Variants in MRGPRX2 observed in about 807,000 individuals in gnomAD.
MRGPRX2 encodes the protein MAS related GPR family member X2.
For missense variants in MRGPRX2, 389 were observed against 404.5 expected (o/e 0.96, Z 0.33); for synonymous variants, 183 against 175.6 (o/e 1.04, Z -0.33).
At chr11:19,057,748 C>A (rs1849632480) in intron 1 of MRGPRX2, among the ~76,000 whole-genome samples, 1 of 152,194 alleles carries the variant, frequency 6.6e-6, no homozygotes, top group African/African-American at 2.4e-5. Context: ...TGGCTGAATG[C>A]TCTTCAGGTA....
At position 19,055,366 on chromosome 11, in the gene MRGPRX2, T is replaced by C; in HGVS notation, c.*44A>G. 1.3e-6 allele frequency: 2 copies of C among 1,543,876 alleles called. No individual in the cohort carries two copies. ...TCAGACAGACAGGGGCAAAGTTGCC[T>C]CTCAAAGCCACATATATCTGATGGA... On this transcript the variant is annotated 3_prime_UTR_variant, in exon 2 of 2. Transcript: ENST00000329773.
In MRGPRX2 at chr11:19,055,535, G is replaced by A. The variant is rs111606529; in HGVS notation, c.868C>T (p.Arg290Trp). 94 of 1,614,142 alleles carry A rather than the reference G, an allele frequency of 5.8e-5. No individual in the cohort carries two copies. The African/African-American group carries it at 8.8e-4, about 15-fold the overall frequency. ...AGCTTGAGGATCGGCTGCTGCAGCCGCCACTGCTTCCTAAAAGAGCCCACG... is the reference window on the plus strand; with the variant it reads ...AGCTTGAGGATCGGCTGCTGCAGCCACCACTGCTTCCTAAAAGAGCCCACG... ...FFVGSFRKQW[R>W]LQQPILKLAL... Residue 290 changes from arginine to tryptophan, a missense_variant, in exon 2 of 2, where the codon CGG becomes TGG. Transcript: ENST00000329773.
chr11:19,056,286 G>A lies in MRGPRX2; in HGVS notation c.117C>T (p.Phe39=). Residue 39 remains phenylalanine (F), a synonymous_variant, in exon 2 of 2, where the codon TTC becomes TTT. Transcript: ENST00000329773. ...ETLIPVFLIL[F]IALVGLVGNG... is the part of the protein sequence containing the mutation. ...TTCCTACCAGCCCGACCAGGGCAAT[G>A]AAAAGGATCAGGAAGACCGGGATCA... 6.2e-7 allele frequency: 1 copy of A among 1,614,232 alleles called. No homozygotes were observed. Among genetic ancestry groups the A allele is most frequent in the Non-Finnish European group, 8.5e-7 (1 of 1,180,042 alleles).
At position 19,055,547 on chromosome 11, in the gene MRGPRX2, TA is replaced by T; in HGVS notation, c.855del (p.Phe285LeufsTer91). 1.9e-6 allele frequency: 3 copies of T among 1,614,120 alleles called. No individual in the cohort carries two copies. The South Asian group carries it at 3.3e-5, about 18-fold the overall frequency. ...NPIIYFFVGS[F>X]RKQWRLQQPI... ...GGCTGCTGCAGCCGCCACTGCTTCCTAAAAGAGCCCACGAAGAAGTAAATGA... is the reference window on the plus strand; with the variant it reads ...GGCTGCTGCAGCCGCCACTGCTTCCTAAAGAGCCCACGAAGAAGTAAATGA... On this transcript the variant is annotated frameshift_variant, in exon 2 of 2. Transcript: ENST00000329773. LOFTEE classifies it low-confidence loss of function (END_TRUNC).
chr11:19,055,240 A>G lies in MRGPRX2; in HGVS notation c.*170T>C, dbSNP rs887817743. 2 of 673,184 alleles carry G rather than the reference A, an allele frequency of 3.0e-6. No homozygotes were observed. Among genetic ancestry groups the G allele is most frequent in the Non-Finnish European group, 4.9e-6 (2 of 408,624 alleles). 41.7% of individuals were successfully genotyped at this position (673,184 alleles called of 1,614,324 possible). ...AAGCCTGTGAGTAAGGCAGTTCCAG[A>G]GACACTGCACTTAGTGTTTGTTTCA... On this transcript the variant is annotated 3_prime_UTR_variant, in exon 2 of 2. Transcript: ENST00000329773.
intron 1 of MRGPRX2, among the ~76,000 whole-genome samples, 164 bp downstream of exon 1, chr11:19,060,455 C>G (rs1393347977): frequency 6.6e-6 from 1 of 152,178 alleles, no homozygotes; most frequent in Non-Finnish European, 1.5e-5. Flanking sequence ...GTGGGACGAA[C>G]CTGCTTGACC....
In MRGPRX2 at chr11:19,056,174, G is replaced by A. The variant is rs1482163931; in HGVS notation, c.229C>T (p.Leu77Phe). 14 of 1,614,124 alleles carry A rather than the reference G, an allele frequency of 8.7e-6. No individual in the cohort carries two copies. Among genetic ancestry groups the A allele is most frequent in the African/African-American group, 1.3e-5 (1 of 74,944 alleles). The stretch of plus-strand genomic sequence containing the variant: ...TTTATAATCTGGAAGCAGAGGAAGA[G>A]GAAGTCGGCCCCGGCCAGGCTGAGG... ...YVLSLAGADF[L>F]FLCFQIINCL... Residue 77 changes from leucine to phenylalanine, a missense_variant, in exon 2 of 2, where the codon CTC (leucine) becomes TTC (phenylalanine). Transcript: ENST00000329773.
chr11:19,058,191 C>A (rs1019077294), intron 1 of MRGPRX2, among the ~76,000 whole-genome samples: 6 of 152,184 alleles, frequency 3.9e-5, no homozygotes, highest in Non-Finnish European at 7.3e-5. Flanking sequence ...CCGTCAATCA[C>A]TCCACACTGC....
Position 19,055,649 on chromosome 11 carries a change from C to T in MRGPRX2, c.754G>A (p.Asp252Asn). ...QWFLILWIWKDSDVLFCHIHP... is the reference protein window; with the variant it reads ...QWFLILWIWKNSDVLFCHIHP... ...ATATGACAAAATAAGACATCAGAAT[C>T]CTTCCAGATCCATAATATTAGGAAC... The change falls in exon 2 of 2, where the codon GAT becomes AAT. Residue 252 changes from aspartate (D) to asparagine (N), a missense_variant. Physicochemically the swap from Asp to Asn is conservative, Grantham distance 23. Transcript: ENST00000329773. 1 of 1,614,164 alleles carries T rather than the reference C, an allele frequency of 6.2e-7. No homozygotes were observed. The highest frequency in any genetic ancestry group is 8.5e-7 in the Non-Finnish European group (1 of 1,180,038).
In MRGPRX2 at chr11:19,056,158, T is replaced by G. The variant is rs1300653598; in HGVS notation, c.245A>C (p.Gln82Pro). Reference protein sequence around the residue: ...AGADFLFLCFQIINCLVYLSN... With the variant: ...AGADFLFLCFPIINCLVYLSN... ...GAGGTACACCAGGCAATTTATAATC[T>G]GGAAGCAGAGGAAGAGGAAGTCGGC... The change falls in exon 2 of 2, where the codon CAG becomes CCG. Residue 82 changes from glutamine to proline, a missense_variant. Physicochemically the swap from Gln to Pro is moderately conservative, Grantham distance 76. Transcript: ENST00000329773. 6.2e-7 allele frequency: 1 copy of G among 1,614,186 alleles called. No individual in the cohort carries two copies. The highest frequency in any genetic ancestry group is 1.1e-5 in the South Asian group (1 of 91,082).
rs577263184 is a variant in MRGPRX2, at chr11:19,055,051, T to G, written c.*359A>C. 3.5e-5 allele frequency: 6 copies of G among 170,382 alleles called. No homozygotes were observed. The South Asian group carries it at 7.6e-4, about 22-fold the overall frequency. The allele number at this position is 170,382 out of a possible 1,614,324, so 10.6% of individuals were successfully genotyped here. A position where few individuals can be genotyped will look rare whatever the true frequency, so the allele number is the denominator to read the frequency against. Reference sequence around the variant, plus strand: ...AATTGTACGGAAGAGAAAAAGAAATTAATTAAAAATATAACATTCTTTGAG... The same window carrying G: ...AATTGTACGGAAGAGAAAAAGAAATGAATTAAAAATATAACATTCTTTGAG... On this transcript the variant is annotated 3_prime_UTR_variant, in exon 2 of 2. Coordinates refer to ENST00000329773, the MANE Select transcript of MRGPRX2 (RefSeq NM_054030.4).
In MRGPRX2 at chr11:19,056,427, C is replaced by A; in HGVS notation, c.-25G>T. The A allele has an allele frequency of 6.3e-7, 1 of 1,587,322 alleles. No individual in the cohort carries two copies. Among genetic ancestry groups the A allele is most frequent in the Non-Finnish European group, 8.6e-7 (1 of 1,164,774 alleles). ...TGCTCAGAAAACCTCCACTGGTGCC[C>A]CTGGAAACAAAAACAAGACTTGAGC... On this transcript the variant is annotated splice_region_variant and 5_prime_UTR_variant, in exon 2 of 2. Transcript: ENST00000329773.
chr11:19,056,148 A>G lies in MRGPRX2; in HGVS notation c.255T>C (p.Asn85=), dbSNP rs1849616013. ...AGAAGTTACTGAGGTACACCAGGCA[A>G]TTTATAATCTGGAAGCAGAGGAAGA... ...DFLFLCFQII[N]CLVYLSNFFC... is the part of the protein sequence containing the mutation. Residue 85 remains asparagine (N), a synonymous_variant, in exon 2 of 2, where the codon AAT becomes AAC. Coordinates refer to ENST00000329773, the MANE Select transcript of MRGPRX2 (RefSeq NM_054030.4). 3 of 1,614,212 alleles carry G rather than the reference A, an allele frequency of 1.9e-6. No individual in the cohort carries two copies. The highest frequency in any genetic ancestry group is 2.5e-6 in the Non-Finnish European group (3 of 1,180,040).
At position 19,056,307 on chromosome 11, in the gene MRGPRX2, G is replaced by A. The variant is rs767914551; in HGVS notation, c.96C>T (p.Ile32=). The A allele has an allele frequency of 6.2e-7, 1 of 1,614,220 alleles. No individual in the cohort carries two copies. Among genetic ancestry groups the A allele is most frequent in the Admixed American group, 1.7e-5 (1 of 60,024 alleles). ...CAATGAAAAGGATCAGGAAGACCGGGATCAGGGTCTCCTTGCCACAAAGCA... is the reference window on the plus strand; with the variant it reads ...CAATGAAAAGGATCAGGAAGACCGGAATCAGGGTCTCCTTGCCACAAAGCA... ...LLLLCGKETL[I]PVFLILFIAL... is the part of the protein sequence containing the mutation. The change falls in exon 2 of 2, where the codon ATC becomes ATT. Residue 32 remains isoleucine, a synonymous_variant. Transcript: ENST00000329773.
chr11:19,056,570 G>A, intron 1 of MRGPRX2, 143 bp from the exon 2 acceptor site: 3 of 804,180 alleles, frequency 3.7e-6, no homozygotes, highest in Non-Finnish European at 5.9e-6. Flanking sequence ...TAAGGGCCAG[G>A]GAGTCCTAGC....
At chr11:19,058,336 A>C (rs1409234359) in intron 1 of MRGPRX2, among the ~76,000 whole-genome samples, 2 of 152,004 alleles carry the variant, frequency 1.3e-5, no homozygotes, top group Non-Finnish European at 2.9e-5. Flanking sequence ...TGGCCTTGTG[A>C]GGATATGGAA....
At chr11:19,059,333 T>C (rs1392033256) in intron 1 of MRGPRX2, among the ~76,000 whole-genome samples, 2 of 152,146 alleles carry the variant, frequency 1.3e-5, no homozygotes, top group Non-Finnish European at 1.5e-5. Context: ...GCTTTAGGGA[T>C]GGGGAAATAG....
At position 19,055,418 on chromosome 11, in the gene MRGPRX2, G is replaced by A. The variant is rs1304611645; in HGVS notation, c.985C>T (p.Leu329=). Residue 329 remains leucine (L), a synonymous_variant, in exon 2 of 2, where the codon CTG becomes TTG. Transcript: ENST00000329773. ...GTAGAGGCTGTCCATCTCTACACCA[G>A]ACTGCTTCTCGACATCTCCGGGGTG... The part of the protein sequence containing the change: ...QGTPEMSRSS[L]V The A allele has an allele frequency of 4.4e-6, 7 of 1,604,210 alleles. No homozygotes were observed. Among genetic ancestry groups the A allele is most frequent in the Non-Finnish European group, 6.0e-6 (7 of 1,171,850 alleles).
At chr11:19,058,919 T>C (rs985677118) in intron 1 of MRGPRX2, among the ~76,000 whole-genome samples, 17 of 152,136 alleles carry the variant, frequency 1.1e-4, no homozygotes, top group African/African-American at 3.6e-4. Flanking sequence ...CTGAATCACA[T>C]GGTGAAAAGC....
Sources: allele counts gnomAD v4.1 joint callset (sites outside exome capture counted in the v4.1 genomes callset), GRCh38; gene constraint gnomAD v4.1.1; transcripts MANE v1.5; gene names NCBI Gene and HGNC (gene_info 2026-07-23, HGNC 2026-07-21).